Variants in KIAA1217 observed in about 807,000 individuals in gnomAD.
The protein encoded by KIAA1217 is sickle tail protein homolog.
In KIAA1217, 88 loss-of-function variants were observed where a neutral mutation model predicts 163.9. The ratio of observed to expected loss-of-function variants is 0.54; its 90% CI spans 0.45 to 0.64. The LOEUF (loss-of-function observed/expected upper bound fraction) is 0.64, where lower values mean the gene tolerates loss of function less well. Ranked by LOEUF, KIAA1217 falls within the 30% of genes least tolerant of loss-of-function variation. The probability of loss-of-function intolerance (pLI) is 0.00; values close to 1 mark genes in which losing one functional copy is unlikely to be tolerated. For synonymous variants in KIAA1217, 903 were observed against 923.1 expected, an observed-to-expected ratio of 0.98 and a Z score of 0.39; for missense variants, 2,372 against 2,475.0, an observed-to-expected ratio of 0.96 and a Z score of 0.88.
At chr10:24,158,364 C>T (rs11814205) in intron 2 of KIAA1217, 13,111 of 649,660 alleles carry the variant, frequency 0.02, 203 homozygotes, top group Middle Eastern at 0.06. Flanking sequence ...TGACTGTGTT[C>T]GGGTTTTCTC....
At chr10:23,890,696 C>T (rs1028723687) in intron 1 of KIAA1217, among the ~76,000 whole-genome samples, 4 of 151,842 alleles carry the variant, frequency 2.6e-5, no homozygotes, top group Non-Finnish European at 4.4e-5. Flanking sequence ...AGTTGATGTG[C>T]CATTGAAACA....
chr10:23,768,272 G>A (rs994892075), intron 1 of KIAA1217, among the ~76,000 whole-genome samples: 3 of 151,978 alleles, frequency 2.0e-5, no homozygotes, highest in Non-Finnish European at 4.4e-5. Context: ...GATGACAGTT[G>A]CATATTCACC....
intron 2 of KIAA1217, among the ~76,000 whole-genome samples, chr10:24,010,266 G>T (rs1355788488): frequency 6.6e-6 from 1 of 151,614 alleles, no homozygotes; most frequent in Non-Finnish European, 1.5e-5. Flanking sequence ...GTATCCCTGA[G>T]ATCTTTTGTT....
At chr10:24,259,809 T>G (rs1397040615) in intron 2 of KIAA1217, among the ~76,000 whole-genome samples, 2 of 152,096 alleles carry the variant, frequency 1.3e-5, no homozygotes, top group Admixed American at 6.5e-5. Context: ...CTCTACCACA[T>G]AGAGAAAGGG....
At chr10:23,991,228 T>C (rs1156633618) in intron 1 of KIAA1217, among the ~76,000 whole-genome samples, 4 of 152,242 alleles carry the variant, frequency 2.6e-5, no homozygotes, top group South Asian at 2.1e-4. Flanking sequence ...CCTGCTCCCA[T>C]GCAGCCACTT....
chr10:24,233,875 T>C (rs1323761315), intron 2 of KIAA1217, among the ~76,000 whole-genome samples: 3 of 152,208 alleles, frequency 2.0e-5, no homozygotes, highest in Admixed American at 6.5e-5. Flanking sequence ...TCCCATATCA[T>C]TGTATTTTTA....
intron 2 of KIAA1217, among the ~76,000 whole-genome samples, chr10:24,171,713 G>A (rs2065635290): frequency 6.6e-6 from 1 of 152,044 alleles, no homozygotes; most frequent in African/African-American, 2.4e-5. Context: ...CTTGAACCTG[G>A]GAGGCGGAGG....
At chr10:24,296,183 A>G (rs1374512308) in intron 2 of KIAA1217, among the ~76,000 whole-genome samples, 2 of 152,132 alleles carry the variant, frequency 1.3e-5, no homozygotes, top group East Asian at 3.9e-4. Flanking sequence ...TGCTCACTGC[A>G]GCCTTGACCT....
chr10:24,211,361 CTT>C lies in KIAA1217; in HGVS notation c.70+2126_70+2127del, dbSNP rs1201397959. ...GGGAATCTCCTGGCAGGTGGGACTA[CTT>C]TTTTTTTTTTTTTTTTTTTTTTTTT... On this transcript the variant is annotated intron_variant, in intron 1 of 20. Coordinates refer to ENST00000376454, the MANE Select transcript of KIAA1217 (RefSeq NM_019590.5). Among the ~76,000 whole-genome samples the C allele has an allele frequency of 2.2e-4, 13 of 60,194 alleles. 1 individual carries two copies. In the South Asian group the frequency reaches 2.4e-3, roughly 11 times the overall value. The allele number at this position is 60,194 out of a possible 152,430, so 39.5% of individuals were successfully genotyped here.
At chr10:23,729,670 A>G (rs6482330) in intron 1 of KIAA1217, among the ~76,000 whole-genome samples, 33,204 of 151,970 alleles carry the variant, frequency 0.22, 3,873 homozygotes, top group Middle Eastern at 0.29. Context: ...AAGAGTTTTT[A>G]TATATTTTGG....
intron 2 of KIAA1217, among the ~76,000 whole-genome samples, chr10:24,193,843 CACAA>C (rs1212266167): frequency 2.2e-3 from 278 of 124,726 alleles, no homozygotes; most frequent in African/African-American, 7.4e-3. Flanking sequence ...CACACACACA[CACAA>C]AGCAGTCACG....
chr10:24,219,945 G>A (rs745936044), intron 2 of KIAA1217, 36 bp downstream of exon 2: 61 of 1,540,512 alleles, frequency 4.0e-5, no homozygotes, highest in Middle Eastern at 3.5e-4. Flanking sequence ...TGTGTAGCTC[G>A]CTCTCTAATG....
intron 2 of KIAA1217, among the ~76,000 whole-genome samples, chr10:24,083,998 T>C (rs1484700808): frequency 6.6e-6 from 1 of 152,102 alleles, no homozygotes; most frequent in Non-Finnish European, 1.5e-5. Context: ...GCTAAGAAAA[T>C]ATTACAGAGA....
chr10:24,211,334 G>GA (rs1338823524), intron 1 of KIAA1217, among the ~76,000 whole-genome samples: 11 of 149,930 alleles, frequency 7.3e-5, no homozygotes, highest in African/African-American at 2.7e-4. Flanking sequence ...TTTGAAAGAG[G>GA]TGGGAATCTC....
At chr10:24,255,643 C>T (rs1219217213) in intron 2 of KIAA1217, 1 of 416,698 alleles carries the variant, frequency 2.4e-6, no homozygotes, top group Admixed American at 2.8e-5. Context: ...CCCCTGGGGT[C>T]CCTAAACTGC....
chr10:23,735,673 T>C (rs1262084015), intron 1 of KIAA1217, among the ~76,000 whole-genome samples: 1 of 152,178 alleles, frequency 6.6e-6, no homozygotes, highest in Admixed American at 6.5e-5. Context: ...GAGATCTTTA[T>C]ATATTATGAT....
At chr10:23,875,571 C>T (rs1840650534) in intron 1 of KIAA1217, among the ~76,000 whole-genome samples, 1 of 151,840 alleles carries the variant, frequency 6.6e-6, no homozygotes, top group Non-Finnish European at 1.5e-5. Flanking sequence ...CTAGAAATAC[C>T]ATTTGACCCA....
At chr10:24,349,172 A>G (rs1014420717) in intron 2 of KIAA1217, among the ~76,000 whole-genome samples, 1 of 150,198 alleles carries the variant, frequency 6.7e-6, no homozygotes, top group East Asian at 2.0e-4. Context: ...GAGATCTGAG[A>G]TCTCATATTT....
At chr10:24,520,601 C>T (rs1239876164) in intron 11 of KIAA1217, among the ~76,000 whole-genome samples, 1 of 109,834 alleles carries the variant, frequency 9.1e-6, no homozygotes, top group East Asian at 3.0e-4. Flanking sequence ...CCAGCCTGGG[C>T]AATATAGAGA....
Sources: allele counts gnomAD v4.1 joint callset (sites outside exome capture counted in the v4.1 genomes callset), GRCh38; gene constraint gnomAD v4.1.1; transcripts MANE v1.5; gene names NCBI Gene and HGNC (gene_info 2026-07-23, HGNC 2026-07-21).